Variants in TRERF1 observed in about 807,000 individuals in gnomAD.
TRERF1 encodes transcriptional regulating factor 1, also known as transcriptional-regulating factor 1.
In TRERF1, 27 loss-of-function variants were observed where a neutral mutation model predicts 122.9. The ratio of observed to expected loss-of-function variants is 0.22; its 90% CI spans 0.16 to 0.30. TRERF1 has a LOEUF of 0.30. Ranked by LOEUF, TRERF1 falls within the 10% of genes least tolerant of loss-of-function variation. The pLI is 1.00. For missense variants in TRERF1, 1,248 were observed against 1,560.3 expected (o/e 0.80, Z 3.37); for synonymous variants, 636 against 641.7 (o/e 0.99, Z 0.13).
Position 42,228,308 on chromosome 6 carries a change from C to T in TRERF1, c.*37G>A, listed in dbSNP as rs373298176. Reference sequence around the variant, plus strand: ...TTTCCTGATTAATGAAGATGGAGGCCGTGGGTTTTCACTGTCTCTAAGTGA... The same window carrying T: ...TTTCCTGATTAATGAAGATGGAGGCTGTGGGTTTTCACTGTCTCTAAGTGA... On this transcript the variant is annotated 3_prime_UTR_variant, in exon 18 of 18. Transcript: ENST00000372922. The surrounding 1 kb of genome is among the most constrained non-coding windows in gnomAD (Gnocchi z 4.2). The T allele has an allele frequency of 2.2e-4, 336 of 1,534,810 alleles. 1 individual carries two copies. Among genetic ancestry groups the T allele is most frequent in the Middle Eastern group, 9.0e-4 (5 of 5,530 alleles).
chr6:42,244,258 C>T (rs577867526), intron 14 of TRERF1, among the ~76,000 whole-genome samples: 4 of 152,214 alleles, frequency 2.6e-5, no homozygotes, highest in African/African-American at 9.6e-5. Context: ...GATCTCGGCT[C>T]ACCACAACCT....
intron 2 of TRERF1, among the ~76,000 whole-genome samples, chr6:42,377,922 C>CT (rs1775200150): frequency 6.6e-6 from 1 of 152,190 alleles, no homozygotes; most frequent in African/African-American, 2.4e-5. Flanking sequence ...GGACCCCATG[C>CT]TTGCTGAAGG....
At chr6:42,425,517 G>A (rs1480698320) in intron 2 of TRERF1, among the ~76,000 whole-genome samples, 2 of 139,820 alleles carry the variant, frequency 1.4e-5, no homozygotes, top group Non-Finnish European at 3.1e-5. Context: ...AAACCGACAC[G>A]GCCCCCTGGG....
At chr6:42,255,365 T>C (rs113208400) in intron 12 of TRERF1, among the ~76,000 whole-genome samples, 141 of 152,346 alleles carry the variant, frequency 9.3e-4, no homozygotes, top group Middle Eastern at 3.4e-3. Context: ...ACACACACCA[T>C]CCTTCCAGAG....
rs1406941871 is a variant in TRERF1 at position 42,232,932 on chromosome 6, A to G, written c.3067-40T>C. ...GAGTGACATGACATCTACAGTCCTG[A>G]AAAGGAAATTAGGGTTATTAGTTAC... On this transcript the variant is annotated intron_variant, in intron 16 of 17. Coordinates refer to ENST00000372922, the Ensembl canonical transcript of TRERF1. The surrounding 1 kb of genome is among the most constrained non-coding windows in gnomAD (Gnocchi z 4.5). The G allele has an allele frequency of 2.6e-6, 4 of 1,535,590 alleles. No homozygotes were observed. The highest frequency in any genetic ancestry group is 3.5e-6 in the Non-Finnish European group (4 of 1,135,452).
chr6:42,290,805 A>G (rs566624585), intron 4 of TRERF1, among the ~76,000 whole-genome samples: 8 of 132,730 alleles, frequency 6.0e-5, no homozygotes, highest in Non-Finnish European at 9.1e-5. Context: ...TCTCTTTAAC[A>G]GCCCTGGGAT....
intron 3 of TRERF1, among the ~76,000 whole-genome samples, chr6:42,356,476 C>T (rs1016379890): frequency 6.6e-6 from 1 of 152,360 alleles, no homozygotes; most frequent in South Asian, 2.1e-4. Context: ...ATGGCTCTCA[C>T]TCACAAGCCA....
intron 2 of TRERF1, among the ~76,000 whole-genome samples, chr6:42,363,381 G>C (rs1444440747): frequency 1.3e-5 from 2 of 152,192 alleles, no homozygotes; most frequent in African/African-American, 2.4e-5. Flanking sequence ...AAGGACGCCA[G>C]CTTCAACGTA....
chr6:42,404,445 C>T (rs541911494), intron 2 of TRERF1, among the ~76,000 whole-genome samples: 1 of 152,226 alleles, frequency 6.6e-6, no homozygotes, highest in South Asian at 2.1e-4. Context: ...GCTGTGGCCA[C>T]GTGATGCATT....
At chr6:42,310,047 G>A (rs570743897) in intron 3 of TRERF1, among the ~76,000 whole-genome samples, 1 of 152,040 alleles carries the variant, frequency 6.6e-6, no homozygotes, top group East Asian at 1.9e-4. Flanking sequence ...ACAAGCATAA[G>A]CCCCCGCACC....
At chr6:42,337,623 T>C (rs1360284309) in intron 3 of TRERF1, among the ~76,000 whole-genome samples, 2 of 152,012 alleles carry the variant, frequency 1.3e-5, no homozygotes, top group East Asian at 3.9e-4. Context: ...ATATCAACAG[T>C]GGGCATCAAG....
chr6:42,353,469 T>A lies in TRERF1; in HGVS notation c.-371+9528A>T, dbSNP rs190867397. 4.7e-3 allele frequency among the ~76,000 whole-genome samples: 714 copies of A among 151,794 alleles called. 3 individuals carry two copies. Among genetic ancestry groups the A allele is most frequent in the Non-Finnish European group, 7.6e-3 (517 of 67,948 alleles). Reference sequence around the variant, plus strand: ...TAGGCGTGGTGGCGGGTGCCTACAATCCCAGCTACTCAGGAGGTTGAGGCA... The same window carrying A: ...TAGGCGTGGTGGCGGGTGCCTACAAACCCAGCTACTCAGGAGGTTGAGGCA... On this transcript the variant is annotated intron_variant, in intron 3 of 17. Transcript: ENST00000372922.
At chr6:42,357,566 T>C (rs537377280) in intron 3 of TRERF1, among the ~76,000 whole-genome samples, 1 of 152,252 alleles carries the variant, frequency 6.6e-6, no homozygotes, top group African/African-American at 2.4e-5. Context: ...CATGAAACGT[T>C]AGAATTAGGA....
chr6:42,310,916 G>T (rs1300426690), intron 3 of TRERF1, among the ~76,000 whole-genome samples: 2 of 152,214 alleles, frequency 1.3e-5, no homozygotes, highest in African/African-American at 4.8e-5. Context: ...CAAGGGCAAG[G>T]CAAGGAAGAA....
chr6:42,331,460 C>T (rs962232307), intron 3 of TRERF1, among the ~76,000 whole-genome samples: 4 of 152,156 alleles, frequency 2.6e-5, no homozygotes, highest in Admixed American at 2.6e-4. Flanking sequence ...CTGCACTTTG[C>T]AGATGTGCGA....
intron 16 of TRERF1, among the ~76,000 whole-genome samples, chr6:42,235,651 AG>A (rs1771981862): frequency 6.6e-6 from 1 of 152,250 alleles, no homozygotes; most frequent in African/African-American, 2.4e-5. Flanking sequence ...TCTCCACCAT[AG>A]AGTACAAAGA....
At chr6:42,347,037 T>A (rs1768429677) in intron 3 of TRERF1, among the ~76,000 whole-genome samples, 1 of 152,214 alleles carries the variant, frequency 6.6e-6, no homozygotes, top group African/African-American at 2.4e-5. Context: ...ACAGCCACTA[T>A]CCTTTATTCC....
chr6:42,342,926 A>G (rs497051), intron 3 of TRERF1, among the ~76,000 whole-genome samples: 121,814 of 152,104 alleles, frequency 0.8, 49,617 homozygotes, highest in African/African-American at 0.94. Flanking sequence ...TAAAGTTGGC[A>G]TGCCATCCTA....
intron 2 of TRERF1, among the ~76,000 whole-genome samples, chr6:42,425,106 C>A (rs1446950701): frequency 6.6e-6 from 1 of 152,136 alleles, no homozygotes; most frequent in Non-Finnish European, 1.5e-5. Flanking sequence ...TACCTCCTAA[C>A]CTGGACTGAA....
Sources: allele counts gnomAD v4.1 joint callset (sites outside exome capture counted in the v4.1 genomes callset), GRCh38; gene constraint gnomAD v4.1.1; non-coding constraint Gnocchi (gnomAD v3.1); transcripts MANE v1.5; gene names NCBI Gene and HGNC (gene_info 2026-07-23, HGNC 2026-07-21).